The following FSIP1 variants were observed in gnomAD, a reference collection of about 807,000 sequenced individuals.
FSIP1 encodes the protein fibrous sheath interacting protein 1, also known as fibrous sheath-interacting protein 1.
A neutral mutation model predicts 60.9 loss-of-function variants in FSIP1; 65 were observed. The observed-to-expected ratio is 1.07, with a 90% CI of 0.87 to 1.31. FSIP1 has a LOEUF of 1.31. Among genes scored for constraint, FSIP1 ranks in the 40% most tolerant of loss-of-function variants. FSIP1 has a pLI of 0.00. For synonymous variants in FSIP1, 209 were observed against 221.2 expected (o/e 0.94, Z 0.49); for missense variants, 675 against 665.5 (o/e 1.01, Z -0.16).
chr15:39,696,822 A>G (rs887754060), intron 10 of FSIP1, among the ~76,000 whole-genome samples: 2 of 149,876 alleles, frequency 1.3e-5, no homozygotes, highest in Non-Finnish European at 3.0e-5. Context: ...AGGAGAGGAG[A>G]GGGAAGGAGA....
At chr15:39,778,833 A>G (rs1898151111) in intron 1 of FSIP1, among the ~76,000 whole-genome samples, 2 of 152,186 alleles carry the variant, frequency 1.3e-5, no homozygotes, top group African/African-American at 4.8e-5. Flanking sequence ...ATAAAAGTAA[A>G]AACTAATTTT....
At chr15:39,712,311 TA>T (rs1895551030) in intron 10 of FSIP1, among the ~76,000 whole-genome samples, 1 of 152,138 alleles carries the variant, frequency 6.6e-6, no homozygotes, top group Non-Finnish European at 1.5e-5. Flanking sequence ...CATCACATTT[TA>T]AAATCACTCA....
chr15:39,779,514 C>T (rs1224678232), intron 1 of FSIP1, among the ~76,000 whole-genome samples: 1 of 152,166 alleles, frequency 6.6e-6, no homozygotes, highest in African/African-American at 2.4e-5. Flanking sequence ...CCCAACATCC[C>T]ACCACCCTGA....
chr15:39,706,385 T>C (rs1895271174), intron 10 of FSIP1, among the ~76,000 whole-genome samples: 1 of 152,212 alleles, frequency 6.6e-6, no homozygotes, highest in South Asian at 2.1e-4. Flanking sequence ...ACATTTGTCA[T>C]TCTTTTGGCT....
intron 10 of FSIP1, 43 bp downstream of exon 10, chr15:39,713,401 T>G: frequency 6.5e-7 from 1 of 1,549,374 alleles, no homozygotes; most frequent in Non-Finnish European, 8.7e-7. Context: ...AACCTGCCTC[T>G]ATTTTTTTCT....
chr15:39,678,975 TA>T (rs1894053901), intron 10 of FSIP1, among the ~76,000 whole-genome samples: 1 of 152,220 alleles, frequency 6.6e-6, no homozygotes, highest in African/African-American at 2.4e-5. Flanking sequence ...GGAAAGTCCC[TA>T]CTACAAAGGT....
intron 10 of FSIP1, among the ~76,000 whole-genome samples, chr15:39,681,224 T>C (rs999713137): frequency 6.6e-6 from 1 of 152,150 alleles, no homozygotes; most frequent in Admixed American, 6.5e-5. Flanking sequence ...GCCACTCCAA[T>C]ACAATGCAAC....
chr15:39,768,332 C>G lies in FSIP1; in HGVS notation c.310+2095G>C, dbSNP rs571796952. Reference sequence around the variant, plus strand: ...GCTCTCAAACTTTTTCTCAGCTCCCCTTTACGGCCTTAAAAATAGTTTAAC... The same window carrying G: ...GCTCTCAAACTTTTTCTCAGCTCCCGTTTACGGCCTTAAAAATAGTTTAAC... On this transcript the variant is annotated intron_variant, in intron 3 of 11. Transcript: ENST00000350221. Among the ~76,000 whole-genome samples the G allele has an allele frequency of 2.6e-5, 4 of 152,320 alleles. No homozygotes were observed. In the East Asian group the frequency reaches 7.7e-4, roughly 29 times the overall value.
chr15:39,735,886 G>A (rs995590727), intron 8 of FSIP1, among the ~76,000 whole-genome samples: 3 of 152,016 alleles, frequency 2.0e-5, no homozygotes, highest in Non-Finnish European at 4.4e-5. Flanking sequence ...TCTACACAGG[G>A]TCAGGATCAT....
At chr15:39,705,189 C>T (rs143251433) in intron 10 of FSIP1, among the ~76,000 whole-genome samples, 1 of 152,146 alleles carries the variant, frequency 6.6e-6, no homozygotes, top group Non-Finnish European at 1.5e-5. Context: ...GGGATAAGGT[C>T]AGATTGATTA....
intron 11 of FSIP1, among the ~76,000 whole-genome samples, chr15:39,611,106 T>C (rs1230511988): frequency 6.6e-6 from 1 of 152,330 alleles, no homozygotes; most frequent in East Asian, 1.9e-4. Flanking sequence ...TAAAGGAATT[T>C]TCTCTGTATT....
chr15:39,668,783 G>C (rs73393295), intron 10 of FSIP1, among the ~76,000 whole-genome samples: 3,121 of 152,094 alleles, frequency 0.021, 109 homozygotes, highest in African/African-American at 0.071. Flanking sequence ...CAATTCCTTC[G>C]CCTCGCTTTT....
At chr15:39,724,570 T>G (rs1046930397) in intron 9 of FSIP1, among the ~76,000 whole-genome samples, 1 of 152,198 alleles carries the variant, frequency 6.6e-6, no homozygotes, top group African/African-American at 2.4e-5. Context: ...TACTTTTTAT[T>G]TGAAGTCCTA....
In FSIP1 at chr15:39,782,820, C is replaced by A. The variant is rs1353852387; in HGVS notation, c.-200G>T. ...CCTCCTGCCTGTGGGACCGCTGTTT[C>A]CCTGGCAACCAGATGCGCGATGCTT... On this transcript the variant is annotated 5_prime_UTR_variant, in exon 1 of 12. Transcript: ENST00000350221. The A allele has an allele frequency of 5.9e-5, 9 of 152,626 alleles. No homozygotes were observed. Among genetic ancestry groups the A allele is most frequent in the African/African-American group, 2.2e-4 (9 of 41,584 alleles). 9.5% of individuals were successfully genotyped at this position (152,626 alleles called of 1,614,324 possible).
Position 39,770,526 on chromosome 15 carries a change from C to T in FSIP1, c.211G>A (p.Asp71Asn), listed in dbSNP as rs771209021. 1.2e-6 allele frequency: 2 copies of T among 1,611,452 alleles called. No individual in the cohort carries two copies. The highest frequency in any genetic ancestry group is 1.7e-6 in the Non-Finnish European group (2 of 1,179,374). The change falls in exon 3 of 12, where the codon GAT becomes AAT. Residue 71 changes from aspartate (D) to asparagine (N), a missense_variant. By Grantham distance (23) the Asp-to-Asn change is conservative. Coordinates refer to ENST00000350221, the MANE Select transcript of FSIP1 (RefSeq NM_152597.5). ...NTENRRTSNDDKQESCSEKIK... is the reference protein window; with the variant it reads ...NTENRRTSNDNKQESCSEKIK... ...TTCTCAGAGCAGCTTTCCTGCTTAT[C>T]ATCATTACTAGTTCTTCTGTTCTCT...
At chr15:39,668,400 G>A (rs1163818440) in intron 10 of FSIP1, among the ~76,000 whole-genome samples, 1 of 152,082 alleles carries the variant, frequency 6.6e-6, no homozygotes, top group African/African-American at 2.4e-5. Context: ...ATCTTAATAT[G>A]TCGACACTAA....
chr15:39,782,019 C>T (rs1566925599), intron 1 of FSIP1, among the ~76,000 whole-genome samples: 2 of 152,190 alleles, frequency 1.3e-5, no homozygotes, highest in Admixed American at 6.5e-5. Flanking sequence ...TTTAGTTATG[C>T]TCATACATCC....
intron 11 of FSIP1, among the ~76,000 whole-genome samples, chr15:39,602,004 T>C (rs757004718): frequency 3.9e-5 from 6 of 152,144 alleles, no homozygotes; most frequent in Non-Finnish European, 8.8e-5. Context: ...CTACAAACAA[T>C]TGAATTGCAC....
At chr15:39,739,643 T>G (rs1566908916) in intron 7 of FSIP1, 22 bp downstream of exon 7, 1 of 1,578,914 alleles carries the variant, frequency 6.3e-7, no homozygotes. Flanking sequence ...AAATTCTGGC[T>G]TCTGAATTTC....
Sources: gnomAD v4.1 joint callset for allele counts (sites outside exome capture counted in the v4.1 genomes callset) on GRCh38, gnomAD v4.1.1 for gene constraint, MANE v1.5 for transcripts, NCBI Gene and HGNC (gene_info 2026-07-23, HGNC 2026-07-21) for gene names.